ASTN2: variants seen among roughly 807,000 people sequenced by gnomAD.
ASTN2 encodes the protein astrotactin 2.
Under a neutral mutation model 139.8 loss-of-function variants are expected in ASTN2, and 54 were observed. The ratio of observed to expected loss-of-function variants is 0.39; its 90% CI spans 0.31 to 0.48. The LOEUF (loss-of-function observed/expected upper bound fraction) is 0.48. Ranked by LOEUF, ASTN2 falls within the 20% of genes least tolerant of loss-of-function variation. The pLI, the probability that ASTN2 is intolerant of heterozygous loss-of-function variation, is 0.95. For missense variants in ASTN2, 1,565 were observed against 1,725.1 expected, an observed-to-expected ratio of 0.91 and a Z score of 1.64; for synonymous variants, 756 against 719.5, an observed-to-expected ratio of 1.05 and a Z score of -0.81.
At chr9:116,555,751 C>A (rs550137793) in intron 19 of ASTN2, among the ~76,000 whole-genome samples, 5 of 151,896 alleles carry the variant, frequency 3.3e-5, no homozygotes, top group East Asian at 3.9e-4. Context: ...ACAAAAAAAA[C>A]CACACACACA....
chr9:117,400,587 A>G (rs1375156183), intron 1 of ASTN2, among the ~76,000 whole-genome samples: 1 of 152,164 alleles, frequency 6.6e-6, no homozygotes, highest in Non-Finnish European at 1.5e-5. Flanking sequence ...ATTGAAGAAG[A>G]TTCCCTGATA....
At chr9:116,514,944 CG>C in intron 19 of ASTN2, among the ~76,000 whole-genome samples, 1 of 152,124 alleles carries the variant, frequency 6.6e-6, no homozygotes, top group East Asian at 1.9e-4. Context: ...TTGTGCTTCC[CG>C]GGTGAGGCGA....
At chr9:117,016,277 C>T (rs1837672390) in intron 6 of ASTN2, among the ~76,000 whole-genome samples, 1 of 151,980 alleles carries the variant, frequency 6.6e-6, no homozygotes, top group Non-Finnish European at 1.5e-5. Flanking sequence ...CTCTCAACCT[C>T]TTCTGGTCAT....
chr9:117,180,462 C>T (rs1831030273), intron 3 of ASTN2, among the ~76,000 whole-genome samples: 1 of 152,128 alleles, frequency 6.6e-6, no homozygotes, highest in Non-Finnish European at 1.5e-5. Context: ...TCAAATGTCT[C>T]CTCTTGAGGG....
At chr9:117,247,177 A>G (rs755803580) in intron 2 of ASTN2, among the ~76,000 whole-genome samples, 1 of 152,182 alleles carries the variant, frequency 6.6e-6, no homozygotes, top group Non-Finnish European at 1.5e-5. Flanking sequence ...AGTAAGAGGG[A>G]CTCAGGAAAG....
At chr9:117,311,853 A>T (rs1023388238) in intron 1 of ASTN2, among the ~76,000 whole-genome samples, 21 of 152,058 alleles carry the variant, frequency 1.4e-4, no homozygotes, top group African/African-American at 5.1e-4. Flanking sequence ...TTTCCATGAC[A>T]CCCATAGTCT....
At chr9:116,843,210 T>C (rs1832318305) in intron 11 of ASTN2, among the ~76,000 whole-genome samples, 1 of 152,156 alleles carries the variant, frequency 6.6e-6, no homozygotes, top group Non-Finnish European at 1.5e-5. Context: ...ACTGGTGGAT[T>C]GGATTTAAAA....
intron 5 of ASTN2, among the ~76,000 whole-genome samples, chr9:117,062,115 C>T (rs1010135738): frequency 7.2e-5 from 11 of 152,126 alleles, no homozygotes; most frequent in Non-Finnish European, 1.2e-4. Context: ...TTATGTACAA[C>T]GAGGGGCATG....
At chr9:117,046,992 T>C (rs1838766285) in intron 5 of ASTN2, among the ~76,000 whole-genome samples, 1 of 152,192 alleles carries the variant, frequency 6.6e-6, no homozygotes, top group African/African-American at 2.4e-5. Flanking sequence ...AAAAACACCC[T>C]TGCAGAGGCC....
At chr9:116,436,121 T>C (rs746966476) in intron 22 of ASTN2, among the ~76,000 whole-genome samples, 7 of 152,222 alleles carry the variant, frequency 4.6e-5, no homozygotes, top group Non-Finnish European at 7.3e-5. Context: ...GCACACGGCC[T>C]GACACATAGT....
intron 2 of ASTN2, among the ~76,000 whole-genome samples, chr9:117,274,010 C>T (rs1393994395): frequency 1.3e-5 from 2 of 152,156 alleles, no homozygotes; most frequent in African/African-American, 2.4e-5. Flanking sequence ...TAATTGTTAT[C>T]TCCCATGGTT....
At chr9:117,395,412 C>T (rs761458760) in intron 1 of ASTN2, among the ~76,000 whole-genome samples, 12 of 152,082 alleles carry the variant, frequency 7.9e-5, no homozygotes, top group Non-Finnish European at 1.2e-4. Flanking sequence ...TTTTATGGGG[C>T]GAGACATCCC....
At chr9:117,382,858 G>GT (rs1450605483) in intron 1 of ASTN2, among the ~76,000 whole-genome samples, 1 of 152,146 alleles carries the variant, frequency 6.6e-6, no homozygotes, top group Non-Finnish European at 1.5e-5. Context: ...AAATGGCCAC[G>GT]TGTGAACCAT....
chr9:116,785,299 A>G (rs184747594), intron 13 of ASTN2, among the ~76,000 whole-genome samples: 12 of 152,138 alleles, frequency 7.9e-5, no homozygotes, highest in Admixed American at 7.2e-4. Context: ...CTCCCTAGTG[A>G]GTTTGTGTCC....
chr9:116,450,069 T>A (rs1384612300), intron 20 of ASTN2, among the ~76,000 whole-genome samples: 1 of 152,202 alleles, frequency 6.6e-6, no homozygotes, highest in East Asian at 1.9e-4. Flanking sequence ...GGTCATTTGT[T>A]GTGTCATCAA....
chr9:116,997,051 A>G (rs1464522071), intron 7 of ASTN2, among the ~76,000 whole-genome samples: 1 of 152,120 alleles, frequency 6.6e-6, no homozygotes, highest in African/African-American at 2.4e-5. Context: ...TTCTTCCTAT[A>G]TGCAGCTTTG....
At chr9:116,604,490 G>A (rs1360466082) in intron 19 of ASTN2, among the ~76,000 whole-genome samples, 4 of 152,118 alleles carry the variant, frequency 2.6e-5, no homozygotes, top group Admixed American at 2.6e-4. Context: ...GTAAAGCCTA[G>A]TTTCCAATGA....
At chr9:117,171,276 C>G (rs1830787131) in intron 3 of ASTN2, among the ~76,000 whole-genome samples, 1 of 152,162 alleles carries the variant, frequency 6.6e-6, no homozygotes, top group Admixed American at 6.5e-5. Flanking sequence ...AGTACAGGTA[C>G]AGGGTTAGTG....
chr9:116,469,631 G>C (rs983368467), intron 20 of ASTN2, among the ~76,000 whole-genome samples: 1 of 152,158 alleles, frequency 6.6e-6, no homozygotes, highest in Non-Finnish European at 1.5e-5. Flanking sequence ...TCTAAAGTGA[G>C]AGGGGAAAAG....
Sources: gnomAD v4.1 joint callset for allele counts (sites outside exome capture counted in the v4.1 genomes callset) on GRCh38, gnomAD v4.1.1 for gene constraint, MANE v1.5 for transcripts, NCBI Gene and HGNC (gene_info 2026-07-23, HGNC 2026-07-21) for gene names.